SEMA3A: variants seen among roughly 807,000 people sequenced by gnomAD.
SEMA3A encodes the protein semaphorin-3A.
Under a neutral mutation model 97.9 loss-of-function variants are expected in SEMA3A, and 29 were observed. That is an observed-to-expected ratio of 0.30 (90% confidence interval 0.22 to 0.40). The LOEUF (loss-of-function observed/expected upper bound fraction) is 0.40. SEMA3A is among the 10% of genes least tolerant of loss of function. The probability of loss-of-function intolerance (pLI) is 1.00; values close to 1 mark genes in which losing one functional copy is unlikely to be tolerated. For synonymous variants in SEMA3A, 321 were observed against 323.7 expected (o/e 0.99, Z 0.09); for missense variants, 763 against 951.3 (o/e 0.80, Z 2.60).
At chr7:84,264,980 A>G (rs1241161680) in intron 3 of SEMA3A, among the ~76,000 whole-genome samples, 1 of 151,968 alleles carries the variant, frequency 6.6e-6, no homozygotes, top group Non-Finnish European at 1.5e-5. Flanking sequence ...CTGCTTATCC[A>G]TTTCCCTAGT....
At chr7:84,286,214 C>T (rs1800585115) in intron 3 of SEMA3A, among the ~76,000 whole-genome samples, 1 of 152,218 alleles carries the variant, frequency 6.6e-6, no homozygotes, top group East Asian at 1.9e-4. Flanking sequence ...AGATATGAGG[C>T]ACCTCAACGT....
intron 1 of SEMA3A, among the ~76,000 whole-genome samples, chr7:84,416,249 C>A (rs1245328752): frequency 6.6e-6 from 1 of 152,068 alleles, no homozygotes. Context: ...GAATAAGTCT[C>A]ATGAGATCTG....
chr7:84,167,555 TA>T (rs1797251786), intron 1 of SEMA3A, among the ~76,000 whole-genome samples: 1 of 152,078 alleles, frequency 6.6e-6, no homozygotes, highest in Non-Finnish European at 1.5e-5. Context: ...TCCAGACACA[TA>T]GAGAGATGAT....
chr7:84,239,195 T>C (rs186209704), intron 3 of SEMA3A, among the ~76,000 whole-genome samples: 2 of 152,356 alleles, frequency 1.3e-5, no homozygotes, highest in African/African-American at 4.8e-5. Context: ...ATATTTGCTT[T>C]AGGTAAAACC....
At chr7:84,344,412 G>T (rs933314162) in intron 2 of SEMA3A, among the ~76,000 whole-genome samples, 1 of 152,142 alleles carries the variant, frequency 6.6e-6, no homozygotes, top group Admixed American at 6.6e-5. Flanking sequence ...ATTGCACCAA[G>T]GTGTTGCTTG....
rs1797531804 is a variant in SEMA3A, at chr7:84,175,390, G to T, written c.112+19085C>A. On this transcript the variant is annotated intron_variant, in intron 1 of 16. Transcript: ENST00000265362. ...TTTTTAATTAACATTAAAAACAATT[G>T]TTTTAAAGCTAACCTTATTTCAAAA... is the stretch of plus-strand genomic sequence containing the variant. Among the ~76,000 whole-genome samples, 4 of 152,158 alleles carry T rather than the reference G, an allele frequency of 2.6e-5. No homozygotes were observed. In the South Asian group the frequency reaches 8.3e-4, roughly 32 times the overall value.
At chr7:84,453,288 T>G (rs1272512567) in intron 1 of SEMA3A, among the ~76,000 whole-genome samples, 1 of 148,958 alleles carries the variant, frequency 6.7e-6, no homozygotes, top group East Asian at 2.0e-4. Flanking sequence ...CAGGCTGGAG[T>G]GCAGTGGCGC....
chr7:84,473,564 T>A (rs1806208520), intron 1 of SEMA3A, among the ~76,000 whole-genome samples: 2 of 151,838 alleles, frequency 1.3e-5, no homozygotes, highest in African/African-American at 2.4e-5. Context: ...AATTTTTGTA[T>A]TTTTAGTAGA....
rs371151654 is a variant in SEMA3A at position 84,278,211 on chromosome 7, C to T, written c.-83+28996G>A. 5.3e-5 allele frequency among the ~76,000 whole-genome samples: 8 copies of T among 152,160 alleles called. No homozygotes were observed. The East Asian group carries it at 9.7e-4, about 18-fold the overall frequency. On this transcript the variant is annotated intron_variant, in intron 3 of 3. Transcript: ENST00000424555. ...AATACAGCCAAGTTTTTTGCTGAAG[C>T]ATAACAAAAGTGACCTTTGCTCCAG... is the stretch of plus-strand genomic sequence containing the variant.
chr7:84,438,338 A>T (rs112740813), intron 1 of SEMA3A, among the ~76,000 whole-genome samples: 248 of 152,198 alleles, frequency 1.6e-3, no homozygotes, highest in Non-Finnish European at 3.0e-3. Flanking sequence ...GCCCTATGAC[A>T]TTTTGTATTA....
chr7:84,101,527 T>C lies in SEMA3A; in HGVS notation c.453+8943A>G, dbSNP rs144780621. On this transcript the variant is annotated intron_variant, in intron 4 of 16. Transcript: ENST00000265362. ...ACACAATGGTTTTCTCCCCCCACTC[T>C]CTTGAAGTTCAATTGTGCAACATGT... 2.9e-3 allele frequency among the ~76,000 whole-genome samples: 444 copies of C among 152,274 alleles called. 1 individual carries two copies. The highest frequency in any genetic ancestry group is 6.8e-3 in the Middle Eastern group (2 of 294).
chr7:84,323,593 A>T (rs1336155505), intron 2 of SEMA3A, among the ~76,000 whole-genome samples: 1 of 152,052 alleles, frequency 6.6e-6, no homozygotes, highest in Non-Finnish European at 1.5e-5. Flanking sequence ...GAAAACTCTG[A>T]AAAAATAGTA....
intron 2 of SEMA3A, among the ~76,000 whole-genome samples, chr7:84,352,999 A>G (rs770425877): frequency 5.9e-5 from 9 of 151,946 alleles, no homozygotes; most frequent in Non-Finnish European, 8.9e-5. Flanking sequence ...TTGGTTCAGG[A>G]CTTCCAAGGA....
chr7:83,992,508 G>C (rs1321528805), intron 12 of SEMA3A, among the ~76,000 whole-genome samples: 1 of 151,758 alleles, frequency 6.6e-6, no homozygotes. Context: ...CAGAGATTCT[G>C]GTATGTTGTG....
At chr7:84,489,968 T>C (rs76173006) in intron 1 of SEMA3A, among the ~76,000 whole-genome samples, 3 of 152,154 alleles carry the variant, frequency 2.0e-5, no homozygotes, top group East Asian at 3.9e-4. Flanking sequence ...TATATACTTA[T>C]ATTGTTTGTA....
intron 12 of SEMA3A, among the ~76,000 whole-genome samples, chr7:83,993,326 A>G (rs1470625855): frequency 6.8e-6 from 1 of 147,810 alleles, no homozygotes; most frequent in South Asian, 2.2e-4. Context: ...TTTAAAGTTA[A>G]TATTGTTATG....
intron 4 of SEMA3A, among the ~76,000 whole-genome samples, chr7:84,095,358 CAT>C (rs200107086): frequency 0.074 from 9,025 of 122,562 alleles, 411 homozygotes; most frequent in East Asian, 0.11. Context: ...TTTTTATATA[CAT>C]ATATATATAT....
chr7:84,424,848 TATAA>T (rs1421220324), intron 1 of SEMA3A, among the ~76,000 whole-genome samples: 3 of 79,712 alleles, frequency 3.8e-5, no homozygotes, highest in Admixed American at 2.2e-4. Flanking sequence ...TATATTTATA[TATAA>T]ATAATTTATA....
intron 3 of SEMA3A, among the ~76,000 whole-genome samples, chr7:84,251,187 G>T (rs1261773327): frequency 1.3e-5 from 2 of 152,016 alleles, no homozygotes; most frequent in African/African-American, 2.4e-5. Context: ...TGTTCTATGC[G>T]ACTGACTAAC....
Sources: allele counts gnomAD v4.1 joint callset (sites outside exome capture counted in the v4.1 genomes callset), GRCh38; gene constraint gnomAD v4.1.1; transcripts MANE v1.5; gene names NCBI Gene and HGNC (gene_info 2026-07-23, HGNC 2026-07-21).